NXPE2: variants seen among roughly 807,000 people sequenced by gnomAD.
The protein encoded by NXPE2 is NXPE family member 2.
A neutral mutation model predicts 34.4 loss-of-function variants in NXPE2; 34 were observed. The observed-to-expected ratio is 0.99, with a 90% CI of 0.75 to 1.31. The LOEUF (loss-of-function observed/expected upper bound fraction) is 1.31, where lower values mean the gene tolerates loss of function less well. Among genes scored for constraint, NXPE2 ranks in the 40% most tolerant of loss-of-function variants. The pLI is 0.00. For missense variants in NXPE2, 649 were observed against 672.5 expected (o/e 0.97, Z 0.39); for synonymous variants, 235 against 231.3 (o/e 1.02, Z -0.15).
chr11:114,523,229 A>G, the NXPE2 span: 3 of 635,594 alleles, frequency 4.7e-6, no homozygotes, highest in Non-Finnish European at 8.2e-6. Context: ...TTCTAGTCCT[A>G]TTCTTTGATC....
the NXPE2 span, among the ~76,000 whole-genome samples, chr11:114,672,943 C>T: frequency 6.6e-6 from 1 of 151,092 alleles, no homozygotes; most frequent in South Asian, 2.1e-4. Context: ...AAATTATAAG[C>T]CATCTAGACC....
the NXPE2 span, among the ~76,000 whole-genome samples, chr11:114,645,964 G>A: frequency 6.6e-6 from 1 of 152,070 alleles, no homozygotes; most frequent in African/African-American, 2.4e-5. Context: ...AATTAAATAT[G>A]TATATAGCCT....
the NXPE2 span, among the ~76,000 whole-genome samples, chr11:114,610,114 G>A: frequency 1.3e-5 from 2 of 151,550 alleles, no homozygotes; most frequent in Admixed American, 1.3e-4. Context: ...TGTCTTGTGG[G>A]TAACCCGTTA....
chr11:114,552,268 T>C, the NXPE2 span, among the ~76,000 whole-genome samples: 1 of 152,160 alleles, frequency 6.6e-6, no homozygotes, highest in Non-Finnish European at 1.5e-5. Context: ...AGAGAACTTG[T>C]AGAGGTGTTG....
the NXPE2 span, among the ~76,000 whole-genome samples, chr11:114,620,405 GATA>G: frequency 6.6e-6 from 1 of 152,054 alleles, no homozygotes; most frequent in Non-Finnish European, 1.5e-5. Context: ...TTACCCATTG[GATA>G]ATAAGTGTTG....
the NXPE2 span, among the ~76,000 whole-genome samples, chr11:114,636,962 G>T: frequency 6.6e-6 from 1 of 152,174 alleles, no homozygotes; most frequent in Non-Finnish European, 1.5e-5. Context: ...GGAGAGTTCT[G>T]TAGATGTCTA....
At chr11:114,662,617 C>G in the NXPE2 span, among the ~76,000 whole-genome samples, 1 of 152,128 alleles carries the variant, frequency 6.6e-6, no homozygotes, top group Admixed American at 6.6e-5. Flanking sequence ...GGCTGCACAG[C>G]TCACAGCTCC....
the NXPE2 span, among the ~76,000 whole-genome samples, chr11:114,573,624 G>A: frequency 0.017 from 2,573 of 151,952 alleles, 55 homozygotes; most frequent in African/African-American, 0.056. Flanking sequence ...GACAAAGAGG[G>A]ACATTATATA....
At chr11:114,775,238 G>A in the NXPE2 span, among the ~76,000 whole-genome samples, 1 of 152,182 alleles carries the variant, frequency 6.6e-6, no homozygotes. Flanking sequence ...TAGGCCGTAC[G>A]CTTTTAGGCA....
At chr11:114,661,108 G>A in the NXPE2 span, among the ~76,000 whole-genome samples, 1 of 152,056 alleles carries the variant, frequency 6.6e-6, no homozygotes, top group African/African-American at 2.4e-5. Flanking sequence ...AGAAATCAAA[G>A]AAGACATAAA....
chr11:114,657,543 A>G, the NXPE2 span, among the ~76,000 whole-genome samples: 4 of 152,198 alleles, frequency 2.6e-5, no homozygotes, highest in African/African-American at 4.8e-5. Context: ...AATTATAGCA[A>G]TTAGGCCCAC....
chr11:114,478,833 G>A, the NXPE2 span, among the ~76,000 whole-genome samples: 1 of 152,180 alleles, frequency 6.6e-6, no homozygotes, highest in Non-Finnish European at 1.5e-5. Flanking sequence ...AATATTAAAT[G>A]TCAGATGTTG....
the NXPE2 span, among the ~76,000 whole-genome samples, chr11:114,554,962 C>T: frequency 6.6e-6 from 1 of 152,056 alleles, no homozygotes; most frequent in African/African-American, 2.4e-5. Flanking sequence ...CCTCAAGGTG[C>T]ACACCCTAAC....
chr11:114,572,677 T>A, the NXPE2 span, among the ~76,000 whole-genome samples: 5 of 152,084 alleles, frequency 3.3e-5, no homozygotes, highest in Non-Finnish European at 5.9e-5. Flanking sequence ...AAAAGGATTT[T>A]AAAAAATGAA....
At chr11:114,650,946 A>C in the NXPE2 span, among the ~76,000 whole-genome samples, 2 of 152,170 alleles carry the variant, frequency 1.3e-5, no homozygotes, top group Non-Finnish European at 2.9e-5. Context: ...GGCTGAGAGC[A>C]CATCAGGAAG....
At chr11:114,530,420 C>T in the NXPE2 span, 2 of 1,614,120 alleles carry the variant, frequency 1.2e-6, no homozygotes, top group African/African-American at 2.7e-5. Flanking sequence ...AGCCTTGGTT[C>T]CTTGCCCTCC....
At chr11:114,758,660 T>A in the NXPE2 span, among the ~76,000 whole-genome samples, 1 of 152,086 alleles carries the variant, frequency 6.6e-6, no homozygotes, top group African/African-American at 2.4e-5. Context: ...GGAGAAAACT[T>A]AATTCAGCAC....
chr11:114,722,620 G>GT, the NXPE2 span, among the ~76,000 whole-genome samples: 1 of 152,094 alleles, frequency 6.6e-6, no homozygotes, highest in Non-Finnish European at 1.5e-5. Context: ...AGATATCCTG[G>GT]TTTTCTTGCT....
At chr11:114,505,918 A>T in the NXPE2 span, among the ~76,000 whole-genome samples, 1 of 152,192 alleles carries the variant, frequency 6.6e-6, no homozygotes, top group East Asian at 1.9e-4. Flanking sequence ...TTTAAAAGAC[A>T]CAAAATGGCA....
Sources: gnomAD v4.1 joint callset for allele counts (sites outside exome capture counted in the v4.1 genomes callset) on GRCh38, gnomAD v4.1.1 for gene constraint, MANE v1.5 for transcripts, NCBI Gene and HGNC (gene_info 2026-07-23, HGNC 2026-07-21) for gene names.